SNX29: variants seen among roughly 807,000 people sequenced by gnomAD.
The protein encoded by SNX29 is sorting nexin-29.
In SNX29, 78 loss-of-function variants were observed where a neutral mutation model predicts 102.1. The observed-to-expected ratio is 0.76, with a 90% CI of 0.64 to 0.92. SNX29 has a LOEUF of 0.92. Among genes scored for constraint, SNX29 ranks in the 40% least tolerant of loss-of-function variants. SNX29 has a pLI of 0.00. For synonymous variants in SNX29, 580 were observed against 414.5 expected (o/e 1.40, Z -4.85); for missense variants, 1,280 against 1,061.7 (o/e 1.21, Z -2.86).
chr16:12,216,771 T>G (rs929065279), intron 14 of SNX29, among the ~76,000 whole-genome samples: 1 of 140,216 alleles, frequency 7.1e-6, no homozygotes, highest in Non-Finnish European at 1.5e-5. Flanking sequence ...GTCTTCAAAT[T>G]CACTCGCTTT....
At chr16:12,455,040 G>A (rs1360378788) in intron 18 of SNX29, among the ~76,000 whole-genome samples, 1 of 152,180 alleles carries the variant, frequency 6.6e-6, no homozygotes, top group Non-Finnish European at 1.5e-5. Context: ...GAGCCATCAC[G>A]CCTGGCCCGT....
chr16:12,127,711 T>A (rs2054278958), intron 12 of SNX29, among the ~76,000 whole-genome samples: 1 of 152,222 alleles, frequency 6.6e-6, no homozygotes. Flanking sequence ...CGTGAGCCAC[T>A]GTGCCTGGCC....
At chr16:11,990,606 A>G (rs561045201) in intron 1 of SNX29, among the ~76,000 whole-genome samples, 2 of 152,256 alleles carry the variant, frequency 1.3e-5, no homozygotes, top group Non-Finnish European at 2.9e-5. Context: ...CAGCAACACT[A>G]AAGTCATCAT....
At position 12,267,407 on chromosome 16, in the gene SNX29, C is replaced by T. The variant is rs562156130; in HGVS notation, c.1679-10526C>T. On this transcript the variant is annotated intron_variant, in intron 14 of 20. Transcript: ENST00000566228. The stretch of plus-strand genomic sequence containing the variant: ...CAGCATTTTCTAAAATCCAGCCCTC[C>T]GTTTTCTCAGCTCTGAAATAGAGAT... Among the ~76,000 whole-genome samples, 30 of 152,224 alleles carry T rather than the reference C, an allele frequency of 2.0e-4. No individual in the cohort carries two copies. The East Asian group carries it at 4.3e-3, about 22-fold the overall frequency.
In SNX29 at chr16:12,450,883, A is replaced by G. The variant is rs546687330; in HGVS notation, c.2038-26836A>G. 3.9e-5 allele frequency among the ~76,000 whole-genome samples: 6 copies of G among 152,278 alleles called. No individual in the cohort carries two copies. In the South Asian group the frequency reaches 8.3e-4, roughly 21 times the overall value. ...CCAAGGGCAGGAGTGGAGAAAACCC[A>G]GAACACATGAGGAGGTAGAAGTGCC... On this transcript the variant is annotated intron_variant, in intron 18 of 20. Coordinates refer to ENST00000566228, the MANE Select transcript of SNX29 (RefSeq NM_032167.5).
chr16:12,324,699 C>T (rs2081064572), intron 15 of SNX29, among the ~76,000 whole-genome samples: 1 of 152,104 alleles, frequency 6.6e-6, no homozygotes, highest in African/African-American at 2.4e-5. Flanking sequence ...AAGCTCTATT[C>T]TCGGCCCCCA....
chr16:12,211,399 C>CG (rs961486730), intron 14 of SNX29, among the ~76,000 whole-genome samples: 1 of 152,144 alleles, frequency 6.6e-6, no homozygotes, highest in African/African-American at 2.4e-5. Context: ...TGCTGGGCCC[C>CG]GGGGTAGCTT....
intron 11 of SNX29, among the ~76,000 whole-genome samples, chr16:12,125,680 A>G (rs1290890374): frequency 7.7e-6 from 1 of 130,664 alleles, no homozygotes; most frequent in Non-Finnish European, 1.6e-5. Context: ...CTGGTCCTGA[A>G]CTCCTGGGCT....
At chr16:12,473,808 A>T (rs967969336) in intron 18 of SNX29, among the ~76,000 whole-genome samples, 1 of 152,182 alleles carries the variant, frequency 6.6e-6, no homozygotes, top group African/African-American at 2.4e-5. Flanking sequence ...GGCAGTTTGT[A>T]AATGCCATGG....
At position 12,215,180 on chromosome 16, in the gene SNX29, C is replaced by T. The variant is rs560008496; in HGVS notation, c.1678+15497C>T. ...GTGGGTACTATTATCCCCATTTACA[C>T]GGGAGAACTGAAGCTTAGAAAGGTC... On this transcript the variant is annotated intron_variant, in intron 14 of 20. Transcript: ENST00000566228. Among the ~76,000 whole-genome samples, 7 of 152,152 alleles carry T rather than the reference C, an allele frequency of 4.6e-5. 1 individual carries two copies. Among genetic ancestry groups the T allele is most frequent in the Middle Eastern group, 6.8e-3 (2 of 292 alleles).
At chr16:12,266,844 A>AC (rs2078943556) in intron 14 of SNX29, among the ~76,000 whole-genome samples, 1 of 151,920 alleles carries the variant, frequency 6.6e-6, no homozygotes, top group Non-Finnish European at 1.5e-5. Context: ...GCTCACTCCA[A>AC]CCTCTGCCCC....
At chr16:12,544,926 C>A (rs574278575) in intron 20 of SNX29, among the ~76,000 whole-genome samples, 1 of 152,234 alleles carries the variant, frequency 6.6e-6, no homozygotes. Context: ...ATGTTATCAT[C>A]ATCCCTTGTT....
intron 11 of SNX29, among the ~76,000 whole-genome samples, chr16:12,092,770 A>T (rs1260982838): frequency 6.6e-6 from 1 of 152,178 alleles, no homozygotes; most frequent in Admixed American, 6.5e-5. Context: ...GAAGTTTCTC[A>T]TGACTTGCCT....
intron 8 of SNX29, 134 bp downstream of exon 8, chr16:12,052,356 A>C (rs1161280536): frequency 3.6e-5 from 34 of 955,198 alleles, no homozygotes; most frequent in Non-Finnish European, 4.8e-5. Flanking sequence ...AGCTGGGATT[A>C]CAGGCACCTG....
chr16:12,263,201 G>A (rs899046985), intron 14 of SNX29, among the ~76,000 whole-genome samples: 2 of 149,808 alleles, frequency 1.3e-5, no homozygotes, highest in Admixed American at 6.7e-5. Flanking sequence ...GCATGATCTC[G>A]GCTCACTGCA....
At chr16:12,534,211 G>A (rs1443792353) in intron 20 of SNX29, among the ~76,000 whole-genome samples, 1 of 152,174 alleles carries the variant, frequency 6.6e-6, no homozygotes, top group Non-Finnish European at 1.5e-5. Context: ...CATGAGAAAG[G>A]GTCCATTGGA....
At chr16:12,537,505 A>C (rs1297123110) in intron 20 of SNX29, among the ~76,000 whole-genome samples, 5 of 152,220 alleles carry the variant, frequency 3.3e-5, no homozygotes, top group Admixed American at 3.3e-4. Context: ...GAGATTTCAC[A>C]GGCTTGTTGG....
intron 16 of SNX29, among the ~76,000 whole-genome samples, chr16:12,386,012 C>T (rs2083328550): frequency 6.6e-6 from 1 of 152,198 alleles, no homozygotes; most frequent in Admixed American, 6.5e-5. Flanking sequence ...GGCCTTGTCC[C>T]CAGGCAGGGG....
At chr16:12,408,041 C>A (rs748916876) in intron 18 of SNX29, among the ~76,000 whole-genome samples, 74 of 152,176 alleles carry the variant, frequency 4.9e-4, no homozygotes, top group Non-Finnish European at 9.7e-4. Context: ...ACTTACAGTC[C>A]CAGCTACTGG....
Sources: gnomAD v4.1 joint callset for allele counts (sites outside exome capture counted in the v4.1 genomes callset) on GRCh38, gnomAD v4.1.1 for gene constraint, MANE v1.5 for transcripts, NCBI Gene and HGNC (gene_info 2026-07-23, HGNC 2026-07-21) for gene names.